The following TRERF1 variants were observed in gnomAD, a reference collection of about 807,000 sequenced individuals.
The protein encoded by TRERF1 is transcriptional-regulating factor 1.
TRERF1 carries 27 observed loss-of-function variants against 122.9 expected under a neutral mutation model. That is an observed-to-expected ratio of 0.22 (90% CI 0.16 to 0.30). The LOEUF is 0.30. Among genes scored for constraint, TRERF1 ranks in the 10% least tolerant of loss-of-function variants. The pLI is 1.00. For missense variants in TRERF1, 1,248 were observed against 1,560.3 expected, an observed-to-expected ratio of 0.80 and a Z score of 3.37; for synonymous variants, 636 against 641.7, an observed-to-expected ratio of 0.99 and a Z score of 0.13.
At chr6:42,255,818 A>C (rs1776644607) in intron 12 of TRERF1, among the ~76,000 whole-genome samples, 1 of 152,152 alleles carries the variant, frequency 6.6e-6, no homozygotes, top group Non-Finnish European at 1.5e-5. Flanking sequence ...GAGGTTAGTG[A>C]TTGAGTGATC....
intron 2 of TRERF1, among the ~76,000 whole-genome samples, chr6:42,403,765 T>C (rs1044776832): frequency 3.3e-5 from 5 of 152,204 alleles, no homozygotes; most frequent in African/African-American, 1.2e-4. Context: ...ATGGGATACA[T>C]TCCAGAGCGC....
In TRERF1 at chr6:42,259,225, C is replaced by T; in HGVS notation, c.2269+114G>A. The T allele has an allele frequency of 7.3e-7, 1 of 1,374,060 alleles. No homozygotes were observed. Among genetic ancestry groups the T allele is most frequent in the Non-Finnish European group, 9.5e-7 (1 of 1,050,418 alleles). The allele number at this position is 1,374,060 out of a possible 1,614,324, so 85.1% of individuals were successfully genotyped here. Reference sequence around the variant, plus strand: ...AACACCCAGCAGCGCGTGCTACATACAGCCAATACTCCGCAAAAGTCTGTG... The same window carrying T: ...AACACCCAGCAGCGCGTGCTACATATAGCCAATACTCCGCAAAAGTCTGTG... On this transcript the variant is annotated intron_variant, in intron 9 of 17. Transcript: ENST00000372922. The surrounding 1 kb of genome is among the most constrained non-coding windows in gnomAD (Gnocchi z 4.9).
intron 14 of TRERF1, 88 bp from the exon 15 acceptor site, chr6:42,243,449 G>T: frequency 1.1e-6 from 1 of 948,896 alleles, no homozygotes; most frequent in Non-Finnish European, 1.7e-6. Context: ...TTTTGTAATA[G>T]GGTAATAAAC....
At chr6:42,440,565 T>C (rs138689117) in intron 2 of TRERF1, among the ~76,000 whole-genome samples, 114 of 152,288 alleles carry the variant, frequency 7.5e-4, no homozygotes, top group African/African-American at 2.6e-3. Flanking sequence ...CTAATGCTGA[T>C]ACCCCATGGC....
At chr6:42,267,532 G>A (rs927348052) in intron 5 of TRERF1, among the ~76,000 whole-genome samples, 6 of 152,118 alleles carry the variant, frequency 3.9e-5, no homozygotes, top group African/African-American at 1.4e-4. Context: ...AGGAGGCTGA[G>A]GCAGGAGAAT....
At chr6:42,425,119 G>C (rs1783402288) in intron 2 of TRERF1, among the ~76,000 whole-genome samples, 1 of 152,130 alleles carries the variant, frequency 6.6e-6, no homozygotes, top group African/African-American at 2.4e-5. Context: ...GGACTGAAGA[G>C]AGGGAAGGGC....
At chr6:42,284,185 C>T (rs1369730908) in intron 4 of TRERF1, among the ~76,000 whole-genome samples, 2 of 151,832 alleles carry the variant, frequency 1.3e-5, no homozygotes, top group Non-Finnish European at 2.9e-5. Context: ...TCCTCTGACA[C>T]GCTTTTATTT....
At chr6:42,331,641 T>C (rs1765257805) in intron 3 of TRERF1, among the ~76,000 whole-genome samples, 1 of 152,124 alleles carries the variant, frequency 6.6e-6, no homozygotes, top group South Asian at 2.1e-4. Context: ...GGGAAGAGGC[T>C]GGGATTCAGC....
chr6:42,359,070 C>T (rs1206557031), intron 3 of TRERF1, among the ~76,000 whole-genome samples: 1 of 152,178 alleles, frequency 6.6e-6, no homozygotes, highest in Non-Finnish European at 1.5e-5. Context: ...ACCCCTCCAT[C>T]GTCAAAGCCT....
chr6:42,293,434 G>A (rs936609281), intron 4 of TRERF1, among the ~76,000 whole-genome samples: 2 of 152,186 alleles, frequency 1.3e-5, no homozygotes, highest in Non-Finnish European at 2.9e-5. Context: ...CTACTAGAAC[G>A]AGGCCAGAGC....
At position 42,228,405 on chromosome 6, in the gene TRERF1, G is replaced by A; in HGVS notation, c.3543C>T (p.Asp1181=). ...CTTGATCATCCAAGAGAAGATCGGT[G>A]TCCACAACTTCAGCCTCTTCCATGA... The change falls in exon 18 of 18, where the codon GAC becomes GAT. Residue 1181 remains aspartate (D), a synonymous_variant. Coordinates refer to ENST00000372922, the Ensembl canonical transcript of TRERF1. This position sits in a 1 kb window ranked among gnomAD's most constrained non-coding sequence, Gnocchi z 4.2. 6.2e-7 allele frequency: 1 copy of A among 1,614,192 alleles called. No homozygotes were observed. The highest frequency in any genetic ancestry group is 8.5e-7 in the Non-Finnish European group (1 of 1,180,032).
intron 2 of TRERF1, among the ~76,000 whole-genome samples, chr6:42,408,231 G>GTGTGTGTATGTATATATACATACACA (rs1356051195): frequency 2.3e-5 from 2 of 86,776 alleles, no homozygotes; most frequent in East Asian, 3.3e-4. Context: ...ATATATATGT[G>GTGTGTGTATGTATATATACATACACA]TGTGTGTATG....
intron 13 of TRERF1, among the ~76,000 whole-genome samples, chr6:42,254,053 C>T (rs1271803482): frequency 1.3e-5 from 2 of 152,234 alleles, no homozygotes; most frequent in Admixed American, 6.5e-5. Flanking sequence ...TGTCACTGGT[C>T]ACTTCTTAGG....
rs184341895 is a variant in TRERF1, at chr6:42,258,902, T to G, written c.2269+437A>C. Reference sequence around the variant, plus strand: ...GGTGCGTGCCACCATGCCCGGCTAATTTTTGTATTTTTAGTAGAGACGGGG... The same window carrying G: ...GGTGCGTGCCACCATGCCCGGCTAAGTTTTGTATTTTTAGTAGAGACGGGG... On this transcript the variant is annotated intron_variant, in intron 9 of 17. Transcript: ENST00000372922. Among the ~76,000 whole-genome samples the G allele has an allele frequency of 5.8e-3, 880 of 152,252 alleles. 7 individuals carry two copies. Among genetic ancestry groups the G allele is most frequent in the African/African-American group, 0.02 (836 of 41,546 alleles).
intron 2 of TRERF1, among the ~76,000 whole-genome samples, chr6:42,412,839 G>A (rs1282431393): frequency 1.3e-5 from 2 of 152,152 alleles, no homozygotes; most frequent in African/African-American, 4.8e-5. Context: ...CCAGCTACTA[G>A]GGAGGCTGAG....
intron 2 of TRERF1, among the ~76,000 whole-genome samples, chr6:42,381,154 C>T (rs1463485088): frequency 6.6e-6 from 1 of 152,140 alleles, no homozygotes; most frequent in Non-Finnish European, 1.5e-5. Context: ...ACAGGGGCTT[C>T]CTGAGGACAG....
chr6:42,436,800 C>CAAAAAAAAAAAAAAA (rs775861205), intron 2 of TRERF1, among the ~76,000 whole-genome samples: 1 of 77,550 alleles, frequency 1.3e-5, no homozygotes, highest in African/African-American at 6.3e-5. Context: ...TCTCCCTCTA[C>CAAAAAAAAAAAAAAA]AAAAAAAAAA....
intron 2 of TRERF1, among the ~76,000 whole-genome samples, chr6:42,392,623 AG>A (rs1777935358): frequency 6.6e-6 from 1 of 152,176 alleles, no homozygotes; most frequent in Non-Finnish European, 1.5e-5. Context: ...GGTCCCTCAG[AG>A]CATCAGTCTT....
Position 42,263,828 on chromosome 6 carries a change from G to A in TRERF1, c.1636-260C>T, listed in dbSNP as rs2149838785. ...TATTAAACTATTTTAAAAAAATTGT[G>A]TGGTTGTCATGCTTTTAAAGAAAGG... is the stretch of plus-strand genomic sequence containing the variant. On this transcript the variant is annotated intron_variant, in intron 7 of 17. Coordinates refer to ENST00000372922, the Ensembl canonical transcript of TRERF1. This position sits in a 1 kb window ranked among gnomAD's most constrained non-coding sequence, Gnocchi z 5.6. Among the ~76,000 whole-genome samples the A allele has an allele frequency of 6.6e-6, 1 of 152,304 alleles. No individual in the cohort carries two copies. The highest frequency in any genetic ancestry group is 1.9e-4 in the East Asian group (1 of 5,182).
Sources: allele counts gnomAD v4.1 joint callset (sites outside exome capture counted in the v4.1 genomes callset), GRCh38; gene constraint gnomAD v4.1.1; non-coding constraint Gnocchi (gnomAD v3.1); transcripts MANE v1.5; gene names NCBI Gene and HGNC (gene_info 2026-07-23, HGNC 2026-07-21).